CD96: variants seen among roughly 807,000 people sequenced by gnomAD.
CD96 encodes the protein T-cell surface protein tactile.
A neutral mutation model predicts 71.3 loss-of-function variants in CD96; 70 were observed. The ratio of observed to expected loss-of-function variants is 0.98; its 90% CI spans 0.81 to 1.20. The LOEUF (loss-of-function observed/expected upper bound fraction) is 1.20, where lower values mean the gene tolerates loss of function less well. Ranked by LOEUF, CD96 falls within the 50% of genes most tolerant of loss-of-function variation. The pLI is 0.00. For synonymous variants in CD96, 248 were observed against 233.0 expected (o/e 1.06, Z -0.59); for missense variants, 742 against 677.5 (o/e 1.10, Z -1.06).
chr3:111,596,288 A>C (rs1174055379), intron 5 of CD96, among the ~76,000 whole-genome samples: 1 of 152,148 alleles, frequency 6.6e-6, no homozygotes, highest in Non-Finnish European at 1.5e-5. Context: ...ATGGGGGAAA[A>C]AGATTCAAAA....
intron 5 of CD96, chr3:111,593,361 A>G: frequency 1.6e-6 from 1 of 627,058 alleles, no homozygotes; most frequent in Non-Finnish European, 2.4e-6. Context: ...GCAGAGCTCT[A>G]GGAACCTCGT....
intron 2 of CD96, among the ~76,000 whole-genome samples, chr3:111,565,333 T>G (rs1246107780): frequency 6.6e-6 from 1 of 152,114 alleles, no homozygotes; most frequent in African/African-American, 2.4e-5. Context: ...TTAGTTTTGT[T>G]ACCCTATTTA....
intron 5 of CD96, chr3:111,593,625 A>C: frequency 6.3e-7 from 1 of 1,593,394 alleles, no homozygotes; most frequent in South Asian, 1.1e-5. Flanking sequence ...CTCACCTTCC[A>C]CTTCATCTCC....
chr3:111,544,434 C>A (rs2088467), intron 1 of CD96, among the ~76,000 whole-genome samples: 3 of 151,730 alleles, frequency 2.0e-5, no homozygotes, highest in Admixed American at 1.3e-4. Flanking sequence ...TGAGCCACTG[C>A]GCCAGGCCTG....
intron 10 of CD96, among the ~76,000 whole-genome samples, chr3:111,636,636 T>C (rs1939341696): frequency 6.6e-6 from 1 of 152,222 alleles, no homozygotes; most frequent in Non-Finnish European, 1.5e-5. Context: ...AGGGGAAGGT[T>C]TGTCTCTAAA....
At chr3:111,659,369 T>C (rs939324832) in intron 14 of CD96, among the ~76,000 whole-genome samples, 5 of 152,144 alleles carry the variant, frequency 3.3e-5, no homozygotes, top group African/African-American at 1.2e-4. Context: ...TTCATTAAGC[T>C]CTTCTCTAAT....
At chr3:111,655,501 A>T (rs1033482661), downstream of CD96, among the ~76,000 whole-genome samples, 1 of 152,204 alleles carries the variant, frequency 6.6e-6, no homozygotes, top group Non-Finnish European at 1.5e-5. Flanking sequence ...CAGGGACAAC[A>T]TATGAGAAAT....
rs553267760 is a variant in CD96 at position 111,651,707 on chromosome 3, C to T, written c.*1901C>T. On this transcript the variant is annotated 3_prime_UTR_variant, in exon 14 of 14. Coordinates refer to ENST00000352690, the MANE Select transcript of CD96 (RefSeq NM_005816.5). ...ACCATCCTGGCTAACACAGTGAAAC[C>T]CCGTCTCTACTAAAAATACAAAAAA... The T allele has an allele frequency of 6.6e-6, 1 of 151,934 alleles. No individual in the cohort carries two copies. The highest frequency in any genetic ancestry group is 2.1e-4 in the South Asian group (1 of 4,794). The allele number at this position is 151,934 out of a possible 1,614,324, so 9.4% of individuals were successfully genotyped here.
intron 5 of CD96, among the ~76,000 whole-genome samples, chr3:111,589,412 T>C (rs1040051036): frequency 5.9e-5 from 9 of 152,234 alleles, no homozygotes; most frequent in African/African-American, 1.9e-4. Flanking sequence ...TCCTCTTCTC[T>C]ACCCTTGCTT....
intron 5 of CD96, among the ~76,000 whole-genome samples, chr3:111,587,525 C>T (rs1239041967): frequency 6.6e-6 from 1 of 152,188 alleles, no homozygotes; most frequent in Non-Finnish European, 1.5e-5. Flanking sequence ...ATCTACCATT[C>T]TGGGATCTGA....
chr3:111,641,275 T>C (rs1029955924), intron 12 of CD96, among the ~76,000 whole-genome samples: 7 of 152,212 alleles, frequency 4.6e-5, no homozygotes, highest in African/African-American at 1.7e-4. Context: ...TAAGGACTCA[T>C]ATAAACTTAA....
intron 12 of CD96, 48 bp downstream of exon 12, chr3:111,638,216 A>G: frequency 8.9e-7 from 1 of 1,122,950 alleles, no homozygotes; most frequent in Non-Finnish European, 1.4e-6. Context: ...TATTCACTCA[A>G]TAAATATTTA....
intron 10 of CD96, among the ~76,000 whole-genome samples, chr3:111,636,838 C>T (rs1267952709): frequency 3.3e-5 from 5 of 152,208 alleles, no homozygotes; most frequent in South Asian, 2.1e-4. Flanking sequence ...CTTGACTAAA[C>T]GCCGCCATAA....
At chr3:111,561,887 C>T (rs1175214706) in intron 2 of CD96, among the ~76,000 whole-genome samples, 1 of 151,240 alleles carries the variant, frequency 6.6e-6, no homozygotes, top group Non-Finnish European at 1.5e-5. Flanking sequence ...ACCCTCCGAG[C>T]CAGGTGTGGG....
chr3:111,544,953 C>T, intron 1 of CD96, 93 bp from the exon 2 acceptor site: 2 of 1,039,606 alleles, frequency 1.9e-6, no homozygotes. Flanking sequence ...TCCTCAGTTG[C>T]TCCCCTCACC....
intron 8 of CD96, among the ~76,000 whole-genome samples, chr3:111,621,656 T>TA (rs751107168): frequency 6.6e-6 from 1 of 152,188 alleles, no homozygotes; most frequent in Non-Finnish European, 1.5e-5. Context: ...TAAAATGGTA[T>TA]AACAAGGCAG....
At chr3:111,628,085 A>G (rs1938867186) in intron 10 of CD96, among the ~76,000 whole-genome samples, 1 of 152,208 alleles carries the variant, frequency 6.6e-6, no homozygotes, top group Admixed American at 6.5e-5. Flanking sequence ...AAAGAAAAAG[A>G]AAAAGAAAAA....
intron 2 of CD96, among the ~76,000 whole-genome samples, chr3:111,548,990 A>G (rs536490169): frequency 6.6e-6 from 1 of 152,336 alleles, no homozygotes; most frequent in South Asian, 2.1e-4. Flanking sequence ...GAAGAAGTTG[A>G]CATTCATCAA....
rs575975909 is a variant in CD96, at chr3:111,663,675, G to A, written c.*53-1852G>A. On this transcript the variant is annotated intron_variant and NMD_transcript_variant, in intron 14 of 14. Coordinates refer to the CD96 transcript ENST00000494798. ...AAATCACAATGAGATACCATCTCCC[G>A]CCAGCCAGAATGGCCATTATTAAAA... Among the ~76,000 whole-genome samples, 91 of 151,742 alleles carry A rather than the reference G, an allele frequency of 6.0e-4. 2 individuals are homozygous for A. The highest frequency in any genetic ancestry group is 2.7e-3 in the East Asian group (14 of 5,176).
Sources: gnomAD v4.1 joint callset for allele counts (sites outside exome capture counted in the v4.1 genomes callset) on GRCh38, gnomAD v4.1.1 for gene constraint, MANE v1.5 for transcripts, NCBI Gene and HGNC (gene_info 2026-07-23, HGNC 2026-07-21) for gene names.